Variants in LOC400499 observed in about 807,000 individuals in gnomAD.
At chr16:11,402,596 T>A in the LOC400499 span, among the ~76,000 whole-genome samples, 53 of 152,170 alleles carry the variant, frequency 3.5e-4, no homozygotes, top group African/African-American at 1.3e-3. Context: ...TGGTGCCACG[T>A]GGGGTTGGGG....
At chr16:11,433,912 A>G in the LOC400499 span, among the ~76,000 whole-genome samples, 2 of 152,196 alleles carry the variant, frequency 1.3e-5, no homozygotes, top group South Asian at 4.1e-4. Flanking sequence ...TCTATAATCA[A>G]TGAATAAATA....
chr16:11,462,124 G>A, the LOC400499 span: 13 of 1,505,040 alleles, frequency 8.6e-6, no homozygotes, highest in South Asian at 3.7e-5. Flanking sequence ...TACCTGTCAC[G>A]TTGGCCTGGT....
chr16:11,443,556 T>C, the LOC400499 span: 1 of 316,846 alleles, frequency 3.2e-6, no homozygotes, highest in East Asian at 9.6e-5. Context: ...AAATGCTTGC[T>C]GAAAAATACG....
At chr16:11,438,426 T>C in the LOC400499 span, among the ~76,000 whole-genome samples, 13 of 151,916 alleles carry the variant, frequency 8.6e-5, no homozygotes, top group Non-Finnish European at 1.0e-4. Context: ...TCGGGCTCCA[T>C]TCAAGTTTCT....
the LOC400499 span, chr16:11,396,419 C>A: frequency 4.2e-6 from 5 of 1,180,484 alleles, no homozygotes; most frequent in Non-Finnish European, 5.3e-6. Context: ...GCGGGGCCGC[C>A]CAGGCAGTTG....
chr16:11,517,017 C>T, the LOC400499 span, among the ~76,000 whole-genome samples: 6 of 152,142 alleles, frequency 3.9e-5, no homozygotes, highest in Admixed American at 2.0e-4. Context: ...TTTCTCTGAA[C>T]TCCCCTCTTC....
At chr16:11,510,973 G>C in the LOC400499 span, among the ~76,000 whole-genome samples, 3 of 151,282 alleles carry the variant, frequency 2.0e-5, no homozygotes, top group African/African-American at 7.3e-5. Context: ...CCACGTGCCA[G>C]GTGCTTAGCT....
the LOC400499 span, chr16:11,460,335 GT>G: frequency 9.0e-7 from 1 of 1,113,508 alleles, no homozygotes; most frequent in South Asian, 2.0e-5. Context: ...TGAGACTGAA[GT>G]TCCAGCCCCG....
the LOC400499 span, among the ~76,000 whole-genome samples, chr16:11,508,459 G>C: frequency 1.3e-5 from 2 of 149,474 alleles, no homozygotes; most frequent in African/African-American, 4.9e-5. Flanking sequence ...TGTGCTCGTA[G>C]ACAGACAGAG....
the LOC400499 span, among the ~76,000 whole-genome samples, chr16:11,423,707 C>T: frequency 1.3e-5 from 2 of 152,226 alleles, no homozygotes; most frequent in African/African-American, 4.8e-5. Context: ...CTTTTCATTT[C>T]TGAGAACAAT....
chr16:11,450,813 C>T, the LOC400499 span: 21 of 1,530,136 alleles, frequency 1.4e-5, no homozygotes, highest in Non-Finnish European at 1.8e-5. Context: ...TATCCAGGTT[C>T]AAGGCTCCTG....
chr16:11,373,132 C>T, the LOC400499 span, among the ~76,000 whole-genome samples: 1 of 152,196 alleles, frequency 6.6e-6, no homozygotes, highest in African/African-American at 2.4e-5. Flanking sequence ...ATGCATCCAA[C>T]CCAAAGTGTG....
At chr16:11,457,367 G>A in the LOC400499 span, among the ~76,000 whole-genome samples, 1 of 152,134 alleles carries the variant, frequency 6.6e-6, no homozygotes, top group Admixed American at 6.5e-5. Flanking sequence ...GCCGAGGCGG[G>A]TGGATCACGA....
At chr16:11,394,836 A>G in the LOC400499 span, among the ~76,000 whole-genome samples, 4 of 152,192 alleles carry the variant, frequency 2.6e-5, no homozygotes, top group African/African-American at 7.2e-5. Context: ...TAGGACTTTG[A>G]GAGGGAGTGT....
the LOC400499 span, among the ~76,000 whole-genome samples, chr16:11,497,678 G>C: frequency 6.6e-6 from 1 of 152,306 alleles, no homozygotes; most frequent in African/African-American, 2.4e-5. Context: ...CCAGCATGAG[G>C]CCTGGGTGCT....
the LOC400499 span, among the ~76,000 whole-genome samples, chr16:11,475,869 C>T: frequency 1.1e-3 from 174 of 152,236 alleles, no homozygotes; most frequent in African/African-American, 3.9e-3. Context: ...GGTGACACTC[C>T]GTGGGCACAG....
At chr16:11,490,890 G>A in the LOC400499 span, among the ~76,000 whole-genome samples, 2 of 152,206 alleles carry the variant, frequency 1.3e-5, no homozygotes, top group East Asian at 1.9e-4. Context: ...GAGGAAGGAA[G>A]ACTAATTTTC....
At chr16:11,458,934 G>A in the LOC400499 span, among the ~76,000 whole-genome samples, 1 of 151,800 alleles carries the variant, frequency 6.6e-6, no homozygotes, top group Non-Finnish European at 1.5e-5. Flanking sequence ...CTACTCAGGA[G>A]GCTGAGGCTG....
At chr16:11,392,946 C>CG in the LOC400499 span, 1 of 320,986 alleles carries the variant, frequency 3.1e-6, no homozygotes, top group Non-Finnish European at 4.5e-6. Flanking sequence ...CTCCGCTTCC[C>CG]GGGTTCACGC....
Sources: allele counts gnomAD v4.1 joint callset (sites outside exome capture counted in the v4.1 genomes callset), GRCh38; gene constraint gnomAD v4.1.1; transcripts MANE v1.5.